The following OPCML variants were observed in gnomAD, a reference collection of about 807,000 sequenced individuals.
OPCML encodes the protein opioid binding protein/cell adhesion molecule like, also known as opioid-binding protein/cell adhesion molecule.
In OPCML, 13 loss-of-function variants were observed where a neutral mutation model predicts 37.8. That is an observed-to-expected ratio of 0.34 (90% CI 0.22 to 0.55). The LOEUF is 0.55. Among genes scored for constraint, OPCML ranks in the 20% least tolerant of loss-of-function variants. The pLI is 0.91. For synonymous variants in OPCML, 176 were observed against 168.8 expected (o/e 1.04, Z -0.33); for missense variants, 341 against 435.6 (o/e 0.78, Z 1.93).
chr11:132,421,007 C>T (rs926292944), intron 7 of OPCML, among the ~76,000 whole-genome samples: 1 of 152,000 alleles, frequency 6.6e-6, no homozygotes, highest in Non-Finnish European at 1.5e-5. Context: ...CTCTCTCTGG[C>T]CCCTTCCTGT....
At chr11:133,418,044 C>T (rs1168476532) in intron 1 of OPCML, 1 of 984,230 alleles carries the variant, frequency 1.0e-6, no homozygotes, top group Admixed American at 6.2e-5. Flanking sequence ...AGATACAGGG[C>T]AGAGAGAACT....
At chr11:132,526,007 C>G (rs942564648) in intron 4 of OPCML, 1 of 152,186 alleles carries the variant, frequency 6.6e-6, no homozygotes, top group Non-Finnish European at 1.5e-5. Context: ...AAGTACAGCA[C>G]AGCCTGTGAG....
At chr11:132,931,758 A>C (rs894172149) in intron 2 of OPCML, among the ~76,000 whole-genome samples, 10 of 152,224 alleles carry the variant, frequency 6.6e-5, no homozygotes, top group Non-Finnish European at 1.2e-4. Context: ...GCGTTTCCTC[A>C]AAAAAATTAA....
At chr11:133,463,451 TAAC>T (rs1414324964) in intron 1 of OPCML, among the ~76,000 whole-genome samples, 2 of 152,240 alleles carry the variant, frequency 1.3e-5, no homozygotes, top group East Asian at 3.9e-4. Flanking sequence ...AAAAAGACAA[TAAC>T]AACATTATTT....
chr11:132,930,803 G>A (rs1434437579), intron 2 of OPCML, among the ~76,000 whole-genome samples: 2 of 152,080 alleles, frequency 1.3e-5, no homozygotes, highest in Non-Finnish European at 2.9e-5. Flanking sequence ...CATTGAAATA[G>A]AAAAATCAAT....
intron 2 of OPCML, among the ~76,000 whole-genome samples, chr11:132,801,626 A>G (rs1012166426): frequency 6.6e-6 from 1 of 152,222 alleles, no homozygotes; most frequent in African/African-American, 2.4e-5. Context: ...CTCTGAAACT[A>G]TTATTTTAAA....
At chr11:133,166,970 G>A (rs2137231692) in intron 1 of OPCML, among the ~76,000 whole-genome samples, 1 of 152,212 alleles carries the variant, frequency 6.6e-6, no homozygotes, top group Non-Finnish European at 1.5e-5. Context: ...TCAGTGTTTT[G>A]TTTTCCCTGT....
chr11:133,179,475 G>A (rs1376465251), intron 1 of OPCML, among the ~76,000 whole-genome samples: 2 of 152,160 alleles, frequency 1.3e-5, no homozygotes, highest in Admixed American at 1.3e-4. Flanking sequence ...TACAGGGGAA[G>A]GGTCTGGTTA....
At chr11:133,067,558 T>C (rs1323264479) in intron 1 of OPCML, 1 of 152,198 alleles carries the variant, frequency 6.6e-6, no homozygotes, top group Non-Finnish European at 1.5e-5. Context: ...AAGGGAACTT[T>C]AGAGCTGCAC....
At chr11:132,996,521 A>T (rs1946889444) in intron 1 of OPCML, among the ~76,000 whole-genome samples, 1 of 151,682 alleles carries the variant, frequency 6.6e-6, no homozygotes, top group Non-Finnish European at 1.5e-5. Context: ...CTGAGACAAA[A>T]GAATCGCTTG....
At chr11:133,203,368 T>A (rs146430520) in intron 1 of OPCML, among the ~76,000 whole-genome samples, 58 of 152,238 alleles carry the variant, frequency 3.8e-4, no homozygotes, top group African/African-American at 1.0e-3. Context: ...TGAATGTGAG[T>A]TCCTTTTGCT....
chr11:133,038,380 T>C (rs752790035), intron 1 of OPCML, among the ~76,000 whole-genome samples: 1 of 152,220 alleles, frequency 6.6e-6, no homozygotes, highest in Non-Finnish European at 1.5e-5. Flanking sequence ...TCTTTATCTA[T>C]AAAATGTGGG....
chr11:132,734,166 C>A (rs1320338511), intron 2 of OPCML, among the ~76,000 whole-genome samples: 1 of 152,086 alleles, frequency 6.6e-6, no homozygotes, highest in Admixed American at 6.5e-5. Context: ...CATATACACA[C>A]AATGGAGCTT....
At chr11:132,946,724 T>C in intron 1 of OPCML, among the ~76,000 whole-genome samples, 1 of 152,044 alleles carries the variant, frequency 6.6e-6, no homozygotes. Context: ...GTACAAGGCT[T>C]TGGGGAGTTG....
chr11:133,333,346 A>G (rs1401618229), intron 1 of OPCML, among the ~76,000 whole-genome samples: 1 of 152,038 alleles, frequency 6.6e-6, no homozygotes, highest in Non-Finnish European at 1.5e-5. Flanking sequence ...GGCATAACAC[A>G]ACCATCTGAT....
intron 3 of OPCML, among the ~76,000 whole-genome samples, chr11:132,595,289 G>A (rs751062234): frequency 5.3e-5 from 8 of 152,074 alleles, no homozygotes; most frequent in Non-Finnish European, 8.8e-5. Flanking sequence ...AATATAGCAC[G>A]TTGTGCAAGT....
rs571981307 is a variant in OPCML at position 133,198,332 on chromosome 11, C to A, written c.62-255322G>T. Among the ~76,000 whole-genome samples the A allele has an allele frequency of 2.0e-5, 3 of 152,308 alleles. No individual in the cohort carries two copies. In the South Asian group the frequency reaches 6.2e-4, roughly 32 times the overall value. ...TTCTGAGTTTTAAAAAGTGAAATGG[C>A]TGTTTAACAAAAGGACATTCGATCA... On this transcript the variant is annotated intron_variant, in intron 1 of 7. Transcript: ENST00000524381.
At chr11:133,505,686 T>C (rs1948015091) in intron 1 of OPCML, among the ~76,000 whole-genome samples, 2 of 152,202 alleles carry the variant, frequency 1.3e-5, no homozygotes, top group South Asian at 4.1e-4. Flanking sequence ...TAACCATAAA[T>C]AAGCAATGAG....
At chr11:133,415,616 T>C (rs1470123693) in intron 1 of OPCML, among the ~76,000 whole-genome samples, 1 of 152,142 alleles carries the variant, frequency 6.6e-6, no homozygotes, top group Non-Finnish European at 1.5e-5. Flanking sequence ...CTCAGAGGCA[T>C]CTGTGCCCTG....
Sources: gnomAD v4.1 joint callset for allele counts (sites outside exome capture counted in the v4.1 genomes callset) on GRCh38, gnomAD v4.1.1 for gene constraint, MANE v1.5 for transcripts, NCBI Gene and HGNC (gene_info 2026-07-23, HGNC 2026-07-21) for gene names.